Variants in HYCC2 observed in about 807,000 individuals in gnomAD.
HYCC2 encodes hyccin 2.
the HYCC2 span, among the ~76,000 whole-genome samples, chr2:201,052,441 C>CA: frequency 2.6e-5 from 4 of 151,788 alleles, no homozygotes; most frequent in South Asian, 6.3e-4. Context: ...CTCGTCTCTG[C>CA]AAAAAAAATT....
chr2:201,006,329 T>G, the HYCC2 span, among the ~76,000 whole-genome samples: 9 of 146,750 alleles, frequency 6.1e-5, no homozygotes, highest in Non-Finnish European at 1.0e-4. Flanking sequence ...TTAGCAGAGA[T>G]AGGGTTTTGC....
chr2:200,985,248 T>C, the HYCC2 span, among the ~76,000 whole-genome samples: 1 of 152,244 alleles, frequency 6.6e-6, no homozygotes. Context: ...TTTTTATTTT[T>C]TTTTATTCCT....
At chr2:201,000,768 C>T in the HYCC2 span, among the ~76,000 whole-genome samples, 18 of 152,168 alleles carry the variant, frequency 1.2e-4, no homozygotes, top group Admixed American at 1.1e-3. Context: ...TTTGTGAATG[C>T]ATGTTCAAAA....
At chr2:201,035,748 C>G in the HYCC2 span, among the ~76,000 whole-genome samples, 1 of 152,134 alleles carries the variant, frequency 6.6e-6, no homozygotes, top group African/African-American at 2.4e-5. Context: ...TACCTTTGGT[C>G]TTTGATGATG....
chr2:201,042,492 A>ACCCCGTCTGGGAACTGAGGAGTGTCTCTG, the HYCC2 span, among the ~76,000 whole-genome samples: 1 of 138,610 alleles, frequency 7.2e-6, no homozygotes, highest in African/African-American at 2.8e-5. Flanking sequence ...CCCCGCCGCG[A>ACCCCGTCTGGGAACTGAGGAGTGTCTCTG]CCCCGTCTGG....
At chr2:201,065,792 C>G in the HYCC2 span, among the ~76,000 whole-genome samples, 1 of 152,144 alleles carries the variant, frequency 6.6e-6, no homozygotes, top group African/African-American at 2.4e-5. Context: ...TCATCTTCAT[C>G]TAGCAGGCAA....
At chr2:201,014,327 T>TAC in the HYCC2 span, among the ~76,000 whole-genome samples, 6 of 151,746 alleles carry the variant, frequency 4.0e-5, no homozygotes, top group Admixed American at 3.3e-4. Flanking sequence ...CACAGTGATA[T>TAC]ATAACAAATT....
chr2:201,003,037 A>G, the HYCC2 span, among the ~76,000 whole-genome samples: 7 of 152,206 alleles, frequency 4.6e-5, no homozygotes, highest in Non-Finnish European at 1.0e-4. Flanking sequence ...ATTAAAAAGA[A>G]TAAGATATCT....
the HYCC2 span, chr2:200,980,208 C>T: frequency 6.6e-6 from 1 of 152,518 alleles, no homozygotes; most frequent in Non-Finnish European, 1.5e-5. Context: ...TTAGGTACAT[C>T]TAGAAAGCAG....
chr2:201,010,415 G>C, the HYCC2 span, among the ~76,000 whole-genome samples: 3 of 152,160 alleles, frequency 2.0e-5, no homozygotes, highest in Non-Finnish European at 4.4e-5. Flanking sequence ...TCACGACTTA[G>C]TGTAGTGGCA....
chr2:201,037,172 G>A, the HYCC2 span, among the ~76,000 whole-genome samples: 1 of 152,038 alleles, frequency 6.6e-6, no homozygotes, highest in Non-Finnish European at 1.5e-5. Context: ...AAATATCTAG[G>A]AATCCAACTT....
At chr2:200,979,094 C>T in the HYCC2 span, 1 of 150,916 alleles carries the variant, frequency 6.6e-6, no homozygotes, top group East Asian at 1.9e-4. Flanking sequence ...TATAATGTTC[C>T]TTTCCTTACA....
the HYCC2 span, among the ~76,000 whole-genome samples, chr2:200,993,866 A>G: frequency 6.6e-6 from 1 of 151,880 alleles, no homozygotes; most frequent in Non-Finnish European, 1.5e-5. Flanking sequence ...GGGTGCCTGT[A>G]GTCCCAGCTA....
At chr2:201,063,344 C>T in the HYCC2 span, 1 of 1,559,182 alleles carries the variant, frequency 6.4e-7, no homozygotes, top group Non-Finnish European at 8.7e-7. Flanking sequence ...AGTCGTGGAA[C>T]CAAAGAGAGC....
chr2:201,003,430 G>A, the HYCC2 span, among the ~76,000 whole-genome samples: 1 of 152,202 alleles, frequency 6.6e-6, no homozygotes, highest in African/African-American at 2.4e-5. Flanking sequence ...GCTGCAGTGA[G>A]CTGAGATCGC....
At chr2:201,033,196 T>TGTGTGTGTGA in the HYCC2 span, among the ~76,000 whole-genome samples, 145 of 106,252 alleles carry the variant, frequency 1.4e-3, no homozygotes, top group African/African-American at 4.5e-3. Flanking sequence ...TGTGTGTGTG[T>TGTGTGTGTGA]GAGAGAGAGA....
the HYCC2 span, among the ~76,000 whole-genome samples, chr2:201,008,128 T>C: frequency 6.6e-6 from 1 of 152,180 alleles, no homozygotes; most frequent in Non-Finnish European, 1.5e-5. Flanking sequence ...TTTTGGGAAC[T>C]CCCAAAACTT....
At chr2:201,016,439 C>G in the HYCC2 span, among the ~76,000 whole-genome samples, 1 of 152,112 alleles carries the variant, frequency 6.6e-6, no homozygotes, top group South Asian at 2.1e-4. Context: ...CAGGCATATG[C>G]CACCATGCCC....
At chr2:201,009,677 CTCAA>C in the HYCC2 span, among the ~76,000 whole-genome samples, 3 of 152,024 alleles carry the variant, frequency 2.0e-5, no homozygotes, top group East Asian at 5.8e-4. Context: ...CCAGGCTGGT[CTCAA>C]ACTTCTGACC....
Sources: allele counts gnomAD v4.1 joint callset (sites outside exome capture counted in the v4.1 genomes callset), GRCh38; gene constraint gnomAD v4.1.1; transcripts MANE v1.5; gene names NCBI Gene and HGNC (gene_info 2026-07-23, HGNC 2026-07-21).